Variants in RBFOX3 observed in about 807,000 individuals in gnomAD.
The protein encoded by RBFOX3 is RNA binding protein fox-1 homolog 3.
In RBFOX3, 17 loss-of-function variants were observed where a neutral mutation model predicts 48.7. The ratio of observed to expected loss-of-function variants is 0.35; its 90% CI spans 0.24 to 0.52. The LOEUF (loss-of-function observed/expected upper bound fraction) is 0.52, where lower values mean the gene tolerates loss of function less well. Among genes scored for constraint, RBFOX3 ranks in the 20% least tolerant of loss-of-function variants. RBFOX3 has a pLI of 0.94. For synonymous variants in RBFOX3, 212 were observed against 209.5 expected (o/e 1.01, Z -0.10); for missense variants, 382 against 497.5 (o/e 0.77, Z 2.21).
chr17:79,647,177 C>T, the RBFOX3 span, among the ~76,000 whole-genome samples: 2 of 152,236 alleles, frequency 1.3e-5, no homozygotes, highest in South Asian at 4.1e-4. Context: ...CCATGCCCAG[C>T]AACAGGGCAC....
At chr17:79,176,539 G>C (rs1426334763) in intron 4 of RBFOX3, among the ~76,000 whole-genome samples, 1 of 152,268 alleles carries the variant, frequency 6.6e-6, no homozygotes, top group African/African-American at 2.4e-5. Context: ...CCATATTCCA[G>C]CTGCGCTGGT....
intron 1 of RBFOX3, chr17:79,602,028 A>G (rs2093716016): frequency 1.3e-5 from 2 of 152,364 alleles, no homozygotes; most frequent in South Asian, 4.1e-4. Flanking sequence ...TAGAGTTAAA[A>G]GCATGCAGAT....
chr17:79,124,128 T>G (rs2036523009), intron 4 of RBFOX3, among the ~76,000 whole-genome samples: 1 of 152,166 alleles, frequency 6.6e-6, no homozygotes, highest in African/African-American at 2.4e-5. Context: ...TCTTTACAAC[T>G]CCAGGTCTAG....
In RBFOX3 at chr17:79,295,892, G is replaced by A. The variant is rs184220957; in HGVS notation, c.-74+11832C>T. Among the ~76,000 whole-genome samples the A allele has an allele frequency of 1.1e-4, 16 of 152,246 alleles. No homozygotes were observed. In the East Asian group the frequency reaches 2.7e-3, roughly 26 times the overall value. ...TTTCGGTCTGTCTGTGGCAGGGCAT[G>A]GGGAAGGGCGGTTATTTGTAAATAA... On this transcript the variant is annotated intron_variant, in intron 3 of 14. Transcript: ENST00000693108.
rs757903881 is a variant in RBFOX3 at position 79,094,445 on chromosome 17, C to G, written c.1077+6G>C. 2 of 1,497,044 alleles carry G rather than the reference C, an allele frequency of 1.3e-6. No individual in the cohort carries two copies. Among genetic ancestry groups the G allele is most frequent in the Non-Finnish European group, 1.8e-6 (2 of 1,124,978 alleles). The allele number at this position is 1,497,044 out of a possible 1,614,324, so 92.7% of individuals were successfully genotyped here. ...ACCCAGGGCTGGGCGGGCCTGGGCTCCTTACCATGGTTCCAATGCTGTAGG... is the reference window on the plus strand; with the variant it reads ...ACCCAGGGCTGGGCGGGCCTGGGCTGCTTACCATGGTTCCAATGCTGTAGG... On this transcript the variant is annotated splice_donor_region_variant and intron_variant, in intron 14 of 14. Coordinates refer to ENST00000693108, the MANE Select transcript of RBFOX3 (RefSeq NM_001350451.2).
intron 1 of RBFOX3, among the ~76,000 whole-genome samples, chr17:79,560,001 G>C (rs1391733759): frequency 6.8e-6 from 1 of 146,226 alleles, no homozygotes; most frequent in Non-Finnish European, 1.5e-5. Flanking sequence ...ACAGTGGATG[G>C]GTGGAAGGAT....
At chr17:79,298,742 C>A (rs1416171848) in intron 3 of RBFOX3, among the ~76,000 whole-genome samples, 1 of 152,210 alleles carries the variant, frequency 6.6e-6, no homozygotes, top group East Asian at 1.9e-4. Flanking sequence ...TACCTCTTGA[C>A]ACTGCCCCCA....
At chr17:79,170,023 C>G (rs1345675573) in intron 4 of RBFOX3, among the ~76,000 whole-genome samples, 1 of 135,278 alleles carries the variant, frequency 7.4e-6, no homozygotes, top group African/African-American at 3.0e-5. Flanking sequence ...GAGGGAAGGG[C>G]AGGAAGGAGA....
intron 2 of RBFOX3, among the ~76,000 whole-genome samples, chr17:79,409,364 T>C (rs764843759): frequency 3.9e-5 from 6 of 152,236 alleles, no homozygotes; most frequent in African/African-American, 9.6e-5. Flanking sequence ...AGTGTGTGTC[T>C]AGGAGCGAGA....
chr17:79,365,849 A>G (rs1164679818), intron 2 of RBFOX3, among the ~76,000 whole-genome samples: 1 of 152,232 alleles, frequency 6.6e-6, no homozygotes, highest in African/African-American at 2.4e-5. Context: ...CCGAGAGGGA[A>G]GGGGGCTTGC....
intron 2 of RBFOX3, among the ~76,000 whole-genome samples, chr17:79,351,323 G>T (rs1358873139): frequency 6.6e-6 from 1 of 152,188 alleles, no homozygotes; most frequent in East Asian, 1.9e-4. Flanking sequence ...AGCTTTTTGA[G>T]ACACTGTCAA....
intron 4 of RBFOX3, among the ~76,000 whole-genome samples, chr17:79,208,247 C>T (rs1159360245): frequency 1.3e-5 from 2 of 152,232 alleles, no homozygotes; most frequent in African/African-American, 4.8e-5. Flanking sequence ...AGGCACAGAA[C>T]CAAGACTCTT....
intron 4 of RBFOX3, among the ~76,000 whole-genome samples, chr17:79,231,449 CA>C (rs1478329798): frequency 6.6e-6 from 1 of 152,070 alleles, no homozygotes; most frequent in Non-Finnish European, 1.5e-5. Flanking sequence ...GTAGCAAGAA[CA>C]ATCACACCTA....
rs928562527 is a variant in RBFOX3, at chr17:79,471,192, G to C, written c.-175+11262C>G. Reference sequence around the variant, plus strand: ...CCCCAGCACCCCTCCTGCTGGAAGAGGCCAGGACACACGAAGGGTCTCTCA... The same window carrying C: ...CCCCAGCACCCCTCCTGCTGGAAGACGCCAGGACACACGAAGGGTCTCTCA... On this transcript the variant is annotated intron_variant, in intron 2 of 14. Transcript: ENST00000693108. This position sits in a 1 kb window ranked among gnomAD's most constrained non-coding sequence, Gnocchi z 4.0. Among the ~76,000 whole-genome samples the C allele has an allele frequency of 2.6e-5, 4 of 152,184 alleles. No individual in the cohort carries two copies. Among genetic ancestry groups the C allele is most frequent in the African/African-American group, 9.7e-5 (4 of 41,446 alleles).
At chr17:79,431,842 G>T (rs2068519453) in intron 2 of RBFOX3, among the ~76,000 whole-genome samples, 1 of 152,232 alleles carries the variant, frequency 6.6e-6, no homozygotes, top group Non-Finnish European at 1.5e-5. Context: ...TGAGTGTACA[G>T]TCAGTGGCAT....
At chr17:79,230,322 C>T (rs9905542) in intron 4 of RBFOX3, among the ~76,000 whole-genome samples, 24,036 of 152,082 alleles carry the variant, frequency 0.16, 2,247 homozygotes, top group Non-Finnish European at 0.2. Flanking sequence ...TGCAGTGGTA[C>T]GATCTTGGCT....
chr17:79,567,185 T>C (rs1482485260), intron 1 of RBFOX3, among the ~76,000 whole-genome samples: 94 of 141,176 alleles, frequency 6.7e-4, no homozygotes, highest in African/African-American at 2.0e-3. Flanking sequence ...TCTTTCTTTT[T>C]TTTTTTTTTT....
intron 1 of RBFOX3, among the ~76,000 whole-genome samples, chr17:79,497,659 C>T (rs920659581): frequency 8.5e-5 from 13 of 152,314 alleles, no homozygotes; most frequent in Admixed American, 5.2e-4. Context: ...CTTCCCAGCC[C>T]CCCAGCTGGC....
At chr17:79,573,801 G>T (rs958977952) in intron 1 of RBFOX3, among the ~76,000 whole-genome samples, 4 of 152,138 alleles carry the variant, frequency 2.6e-5, no homozygotes, top group South Asian at 2.1e-4. Flanking sequence ...TTTTCTCTCT[G>T]AATCTGCCCG....
Sources: gnomAD v4.1 joint callset for allele counts (sites outside exome capture counted in the v4.1 genomes callset) on GRCh38, gnomAD v4.1.1 for gene constraint, Gnocchi (gnomAD v3.1) non-coding constraint, MANE v1.5 for transcripts, NCBI Gene and HGNC (gene_info 2026-07-23, HGNC 2026-07-21) for gene names.